Variants in GRIK2 observed in about 807,000 individuals in gnomAD.
GRIK2 encodes glutamate receptor ionotropic, kainate 2.
GRIK2 carries 32 observed loss-of-function variants against 100.3 expected under a neutral mutation model. The ratio of observed to expected loss-of-function variants is 0.32; its 90% confidence interval spans 0.24 to 0.43. GRIK2 has a LOEUF of 0.43. Ranked by LOEUF, GRIK2 falls within the 20% of genes least tolerant of loss-of-function variation. The pLI is 1.00. For synonymous variants in GRIK2, 417 were observed against 389.4 expected, an observed-to-expected ratio of 1.07 and a Z score of -0.83; for missense variants, 843 against 1,114.9, an observed-to-expected ratio of 0.76 and a Z score of 3.47.
chr6:101,603,416 G>A (rs954416306), intron 2 of GRIK2, among the ~76,000 whole-genome samples: 3 of 151,534 alleles, frequency 2.0e-5, no homozygotes, highest in African/African-American at 4.8e-5. Context: ...AAATAACCAC[G>A]ATTTGGAAAG....
chr6:101,964,115 T>G (rs1792505358), intron 14 of GRIK2, among the ~76,000 whole-genome samples: 2 of 151,216 alleles, frequency 1.3e-5, no homozygotes, highest in South Asian at 4.1e-4. Context: ...TCTGGAGACT[T>G]TAAATGTAGA....
intron 14 of GRIK2, among the ~76,000 whole-genome samples, chr6:101,998,487 G>A (rs1212206888): frequency 1.3e-5 from 2 of 151,986 alleles, no homozygotes; most frequent in African/African-American, 2.4e-5. Context: ...CCTGATTTAT[G>A]TAGGGTTTTT....
In GRIK2 at chr6:101,776,529, C is replaced by G. The variant is rs190159491; in HGVS notation, c.952-23119C>G. ...AGGATGCCTTAAAATCCACCTGATTCAATCCCCTCCTTTTATAGATGAAGA... is the reference window on the plus strand; with the variant it reads ...AGGATGCCTTAAAATCCACCTGATTGAATCCCCTCCTTTTATAGATGAAGA... On this transcript the variant is annotated intron_variant, in intron 7 of 16. Transcript: ENST00000369134. Among the ~76,000 whole-genome samples the G allele has an allele frequency of 5.3e-5, 8 of 152,228 alleles. No individual in the cohort carries two copies. The East Asian group carries it at 1.5e-3, about 29-fold the overall frequency.
At chr6:101,854,719 T>C (rs1290026671) in intron 10 of GRIK2, among the ~76,000 whole-genome samples, 1 of 152,110 alleles carries the variant, frequency 6.6e-6, no homozygotes, top group East Asian at 1.9e-4. Flanking sequence ...GAAAATTGAG[T>C]TATAGAAGTA....
chr6:101,486,058 T>A (rs941080690), intron 2 of GRIK2, among the ~76,000 whole-genome samples: 1 of 152,070 alleles, frequency 6.6e-6, no homozygotes, highest in African/African-American at 2.4e-5. Flanking sequence ...CTTTTAGTGA[T>A]GGAATTGGTG....
intron 2 of GRIK2, among the ~76,000 whole-genome samples, chr6:101,420,027 A>C (rs1466846461): frequency 6.6e-6 from 1 of 152,222 alleles, no homozygotes; most frequent in Non-Finnish European, 1.5e-5. Context: ...CAATGTGAAG[A>C]TAATAATAAC....
At chr6:101,831,340 C>T (rs1282363382) in intron 10 of GRIK2, among the ~76,000 whole-genome samples, 1 of 151,966 alleles carries the variant, frequency 6.6e-6, no homozygotes, top group Non-Finnish European at 1.5e-5. Flanking sequence ...TTCTTGAAAA[C>T]ATTGAGTTGT....
chr6:101,940,693 C>G (rs921986811), intron 14 of GRIK2, among the ~76,000 whole-genome samples: 1 of 151,974 alleles, frequency 6.6e-6, no homozygotes, highest in Non-Finnish European at 1.5e-5. Flanking sequence ...CCACAAACTT[C>G]GAAAGTATCA....
chr6:101,929,580 C>T (rs979694989), intron 14 of GRIK2, among the ~76,000 whole-genome samples: 3 of 152,066 alleles, frequency 2.0e-5, no homozygotes, highest in Admixed American at 6.6e-5. Context: ...ATTGAGTATT[C>T]TAATTCTCAC....
At chr6:101,885,391 G>T (rs1786542696) in intron 11 of GRIK2, among the ~76,000 whole-genome samples, 1 of 152,054 alleles carries the variant, frequency 6.6e-6, no homozygotes, top group Admixed American at 6.6e-5. Flanking sequence ...TTGAATGGTT[G>T]TACAGAAAAA....
intron 7 of GRIK2, among the ~76,000 whole-genome samples, chr6:101,783,944 T>A (rs558533480): frequency 6.6e-6 from 1 of 152,308 alleles, no homozygotes; most frequent in South Asian, 2.1e-4. Flanking sequence ...CACAAATAGA[T>A]GGTTTGAAAT....
chr6:101,764,433 C>CTG (rs967839987), intron 7 of GRIK2, among the ~76,000 whole-genome samples: 3 of 152,048 alleles, frequency 2.0e-5, no homozygotes, highest in African/African-American at 7.2e-5. Context: ...AACCAGCACT[C>CTG]TGTGTGTGTG....
intron 11 of GRIK2, among the ~76,000 whole-genome samples, chr6:101,883,075 C>T (rs1329251736): frequency 6.6e-6 from 1 of 151,822 alleles, no homozygotes; most frequent in African/African-American, 2.4e-5. Context: ...ATTTCTCATT[C>T]ATGCTGCCAG....
intron 11 of GRIK2, among the ~76,000 whole-genome samples, chr6:101,867,943 A>G (rs1365542786): frequency 6.6e-6 from 1 of 151,196 alleles, no homozygotes; most frequent in Non-Finnish European, 1.5e-5. Context: ...AATACCCCCA[A>G]TGTACACTAT....
intron 2 of GRIK2, among the ~76,000 whole-genome samples, chr6:101,495,287 C>T (rs1240207621): frequency 6.6e-6 from 1 of 151,646 alleles, no homozygotes; most frequent in Admixed American, 6.6e-5. Flanking sequence ...GGGTGGATCA[C>T]GAGGTTAGGA....
intron 9 of GRIK2, among the ~76,000 whole-genome samples, chr6:101,812,937 T>C (rs1781424399): frequency 6.6e-6 from 1 of 152,098 alleles, no homozygotes; most frequent in African/African-American, 2.4e-5. Context: ...ATGCATTATA[T>C]TTCTGACAAT....
At chr6:101,436,169 T>C (rs1436213610) in intron 2 of GRIK2, among the ~76,000 whole-genome samples, 1 of 152,158 alleles carries the variant, frequency 6.6e-6, no homozygotes. Context: ...AATAAGTTGA[T>C]GTACATGTGT....
intron 2 of GRIK2, among the ~76,000 whole-genome samples, chr6:101,547,717 C>G (rs1423308885): frequency 6.6e-6 from 1 of 151,936 alleles, no homozygotes; most frequent in African/African-American, 2.4e-5. Flanking sequence ...TCCAGTCTAT[C>G]ATTGTTGGAC....
intron 1 of GRIK2, chr6:101,398,677 A>G: frequency 4.6e-6 from 1 of 215,870 alleles, no homozygotes; most frequent in Non-Finnish European, 9.0e-6. Context: ...GGAAAATAAA[A>G]GCAATGTTCT....
Sources: gnomAD v4.1 joint callset for allele counts (sites outside exome capture counted in the v4.1 genomes callset) on GRCh38, gnomAD v4.1.1 for gene constraint, MANE v1.5 for transcripts, NCBI Gene and HGNC (gene_info 2026-07-23, HGNC 2026-07-21) for gene names.